Variants in ADAMTSL3 observed in about 807,000 individuals in gnomAD.
ADAMTSL3 encodes the protein ADAMTS like 3.
In ADAMTSL3, 128 loss-of-function variants were observed where a neutral mutation model predicts 201.7. That is an observed-to-expected ratio of 0.63 (90% CI 0.55 to 0.73). The LOEUF (loss-of-function observed/expected upper bound fraction) is 0.73, where lower values mean the gene tolerates loss of function less well. Ranked by LOEUF, ADAMTSL3 falls within the 30% of genes least tolerant of loss-of-function variation. The pLI, the probability that ADAMTSL3 is intolerant of heterozygous loss-of-function variation, is 0.00. For missense variants in ADAMTSL3, 1,990 were observed against 2,119.6 expected (o/e 0.94, Z 1.20); for synonymous variants, 738 against 748.4 (o/e 0.99, Z 0.23).
intron 2 of ADAMTSL3, among the ~76,000 whole-genome samples, chr15:83,657,465 G>A (rs1297920278): frequency 1.3e-5 from 2 of 152,188 alleles, no homozygotes; most frequent in Non-Finnish European, 2.9e-5. Flanking sequence ...TCGGATCCCA[G>A]CTCTACCACT....
At chr15:83,711,830 G>A (rs2061937591) in intron 3 of ADAMTSL3, among the ~76,000 whole-genome samples, 1 of 152,102 alleles carries the variant, frequency 6.6e-6, no homozygotes, top group Non-Finnish European at 1.5e-5. Flanking sequence ...GCTTTTGAAG[G>A]ATGCAGACAT....
In ADAMTSL3 at chr15:84,011,814, G is replaced by A. The variant is rs536233726; in HGVS notation, c.3974-2728G>A. ...CTAAGTGTTGGCAATAAACAACTAT[G>A]AAATACATTTTTTAAAATCTTGTTT... On this transcript the variant is annotated intron_variant, in intron 23 of 29. Transcript: ENST00000286744. Among the ~76,000 whole-genome samples, 150 of 152,292 alleles carry A rather than the reference G, an allele frequency of 9.8e-4. 2 individuals carry two copies. In the South Asian group the frequency reaches 0.031, roughly 31 times the overall value.
At chr15:83,788,809 TTTTC>T (rs1354425987) in intron 4 of ADAMTSL3, among the ~76,000 whole-genome samples, 1 of 152,146 alleles carries the variant, frequency 6.6e-6, no homozygotes, top group Non-Finnish European at 1.5e-5. Flanking sequence ...TCTTTTCTTT[TTTTC>T]TTTTTGTTTT....
At chr15:83,731,814 G>T (rs2062278820) in intron 3 of ADAMTSL3, among the ~76,000 whole-genome samples, 1 of 152,004 alleles carries the variant, frequency 6.6e-6, no homozygotes, top group African/African-American at 2.4e-5. Flanking sequence ...AGAACATTAT[G>T]CTAAGTGGAA....
chr15:83,794,255 T>TA (rs1356762036), intron 4 of ADAMTSL3, among the ~76,000 whole-genome samples: 4 of 152,192 alleles, frequency 2.6e-5, no homozygotes, highest in Admixed American at 6.5e-5. Flanking sequence ...CAGTTTCTTT[T>TA]AAAAAAATAA....
At chr15:83,893,045 G>A (rs1430585474) in intron 13 of ADAMTSL3, among the ~76,000 whole-genome samples, 157 bp downstream of exon 13, 1 of 152,128 alleles carries the variant, frequency 6.6e-6, no homozygotes, top group Non-Finnish European at 1.5e-5. Context: ...GTTGGAGGAC[G>A]AGGGAAGAAA....
intron 3 of ADAMTSL3, among the ~76,000 whole-genome samples, chr15:83,759,696 G>T (rs2062778195): frequency 6.6e-6 from 1 of 152,144 alleles, no homozygotes; most frequent in Admixed American, 6.5e-5. Context: ...CAGCAAAGAT[G>T]GGATTTAGGG....
intron 21 of ADAMTSL3, among the ~76,000 whole-genome samples, chr15:83,985,613 A>G (rs1486958594): frequency 6.6e-6 from 1 of 152,140 alleles, no homozygotes; most frequent in Non-Finnish European, 1.5e-5. Flanking sequence ...ACCTTTTACT[A>G]CTTCATTAAA....
At chr15:83,963,977 G>T (rs1029528069) in intron 19 of ADAMTSL3, among the ~76,000 whole-genome samples, 1 of 152,132 alleles carries the variant, frequency 6.6e-6, no homozygotes, top group Non-Finnish European at 1.5e-5. Flanking sequence ...CAACAAAAAG[G>T]ATGTCCACAC....
At chr15:84,028,835 GT>G (rs1335780466) in intron 27 of ADAMTSL3, among the ~76,000 whole-genome samples, 2 of 152,184 alleles carry the variant, frequency 1.3e-5, no homozygotes, top group African/African-American at 2.4e-5. Context: ...CATGGGGGCA[GT>G]TTCCCCCATG....
chr15:83,945,007 C>G (rs2066628345), intron 19 of ADAMTSL3, among the ~76,000 whole-genome samples: 1 of 152,130 alleles, frequency 6.6e-6, no homozygotes, highest in Non-Finnish European at 1.5e-5. Context: ...TTGTTAAGTG[C>G]TAGTATTTTA....
intron 23 of ADAMTSL3, among the ~76,000 whole-genome samples, chr15:84,010,244 C>T (rs1255137945): frequency 6.6e-6 from 1 of 152,198 alleles, no homozygotes; most frequent in Non-Finnish European, 1.5e-5. Flanking sequence ...AAATGATTTG[C>T]ACTTTTGCCC....
chr15:83,933,585 G>A (rs2066402011), intron 17 of ADAMTSL3, among the ~76,000 whole-genome samples: 1 of 152,226 alleles, frequency 6.6e-6, no homozygotes, highest in South Asian at 2.1e-4. Context: ...CAAGCCTGCT[G>A]CAAAAATTTG....
chr15:84,005,645 C>T lies in ADAMTSL3; in HGVS notation c.3974-8897C>T, dbSNP rs780465730. Among the ~76,000 whole-genome samples, 239 of 152,164 alleles carry T rather than the reference C, an allele frequency of 1.6e-3. 2 individuals carry two copies. The highest frequency in any genetic ancestry group is 1.9e-3 in the Non-Finnish European group (127 of 68,030). Reference sequence around the variant, plus strand: ...GTGGCGTTAAAGAACTGCCCAGGCTCGCGCAAAGCAGAAGCCCAGGGTACG... The same window carrying T: ...GTGGCGTTAAAGAACTGCCCAGGCTTGCGCAAAGCAGAAGCCCAGGGTACG... On this transcript the variant is annotated intron_variant, in intron 23 of 29. Coordinates refer to ENST00000286744, the MANE Select transcript of ADAMTSL3 (RefSeq NM_207517.3).
At chr15:83,983,551 C>T (rs879348794) in intron 21 of ADAMTSL3, among the ~76,000 whole-genome samples, 3 of 152,128 alleles carry the variant, frequency 2.0e-5, no homozygotes, top group Non-Finnish European at 4.4e-5. Flanking sequence ...CAATCACTGT[C>T]GTAGAGGTGT....
At chr15:83,679,088 C>A (rs538029699) in intron 2 of ADAMTSL3, among the ~76,000 whole-genome samples, 1 of 151,448 alleles carries the variant, frequency 6.6e-6, no homozygotes, top group South Asian at 2.1e-4. Context: ...GTATACTGAT[C>A]TGTCATCTCA....
Position 83,675,380 on chromosome 15 carries a change from CAT to C in ADAMTSL3, c.69+19551_69+19552del, listed in dbSNP as rs545742224. 1.3e-3 allele frequency among the ~76,000 whole-genome samples: 198 copies of C among 151,218 alleles called. 1 individual carries two copies. Among genetic ancestry groups the C allele is most frequent in the African/African-American group, 4.4e-3 (184 of 41,392 alleles). ...TTTTCCGCATCAGTTTATATGATCA[CAT>C]GATTTATCTTTTTTTCTTTTAATGC... On this transcript the variant is annotated intron_variant, in intron 2 of 29. Transcript: ENST00000286744.
chr15:84,017,261 C>G (rs574465714), intron 25 of ADAMTSL3, among the ~76,000 whole-genome samples: 81 of 152,128 alleles, frequency 5.3e-4, no homozygotes, highest in East Asian at 2.3e-3. Flanking sequence ...GGGACTACAG[C>G]CACCCGCCAC....
At chr15:83,966,557 G>T (rs1380058614) in intron 19 of ADAMTSL3, among the ~76,000 whole-genome samples, 2 of 152,020 alleles carry the variant, frequency 1.3e-5, no homozygotes, top group African/African-American at 4.8e-5. Flanking sequence ...ACCACAAAAA[G>T]CCCAGGATCA....
Sources: gnomAD v4.1 joint callset for allele counts (sites outside exome capture counted in the v4.1 genomes callset) on GRCh38, gnomAD v4.1.1 for gene constraint, MANE v1.5 for transcripts, NCBI Gene and HGNC (gene_info 2026-07-23, HGNC 2026-07-21) for gene names.